Variants in FNIP1 observed in about 807,000 individuals in gnomAD.
FNIP1 encodes the protein folliculin interacting protein 1, also known as folliculin-interacting protein 1.
In FNIP1, 40 loss-of-function variants were observed where a neutral mutation model predicts 124.5. The ratio of observed to expected loss-of-function variants is 0.32; its 90% CI spans 0.25 to 0.42. The LOEUF (loss-of-function observed/expected upper bound fraction) is 0.42. Ranked by LOEUF, FNIP1 falls within the 10% of genes least tolerant of loss-of-function variation. The pLI, the probability that FNIP1 is intolerant of heterozygous loss-of-function variation, is 1.00. For synonymous variants in FNIP1, 472 were observed against 470.6 expected, an observed-to-expected ratio of 1.00 and a Z score of -0.04; for missense variants, 1,176 against 1,403.7, an observed-to-expected ratio of 0.84 and a Z score of 2.59.
chr5:131,743,332 A>G (rs1770570984), intron 2 of FNIP1, among the ~76,000 whole-genome samples: 1 of 152,042 alleles, frequency 6.6e-6, no homozygotes, highest in South Asian at 2.1e-4. Context: ...AAATTTCAGA[A>G]AGTTGAGTAA....
intron 2 of FNIP1, among the ~76,000 whole-genome samples, chr5:131,739,451 G>A (rs1770433160): frequency 6.6e-6 from 1 of 152,142 alleles, no homozygotes; most frequent in South Asian, 2.1e-4. Flanking sequence ...CAAAATTCCT[G>A]AACGTATTTG....
chr5:131,708,789 G>GA (rs763838718), intron 8 of FNIP1, among the ~76,000 whole-genome samples: 5,128 of 137,804 alleles, frequency 0.037, 113 homozygotes, highest in African/African-American at 0.077. Context: ...TCCATATTTG[G>GA]AAAAAAAAAA....
intron 7 of FNIP1, 110 bp from the exon 8 acceptor site, chr5:131,709,382 A>AT (rs1769217904): frequency 1.2e-6 from 1 of 861,818 alleles, no homozygotes; most frequent in Non-Finnish European, 1.9e-6. Flanking sequence ...GCATTCCCTT[A>AT]TTTTTTTCAA....
chr5:131,676,619 T>A (rs1202303809), intron 13 of FNIP1, among the ~76,000 whole-genome samples: 1 of 151,898 alleles, frequency 6.6e-6, no homozygotes, highest in African/African-American at 2.4e-5. Context: ...ACTAGCCTGG[T>A]GTGGTGTTAC....
At chr5:131,706,950 TA>T (rs1278105419) in intron 8 of FNIP1, among the ~76,000 whole-genome samples, 1 of 152,216 alleles carries the variant, frequency 6.6e-6, no homozygotes, top group Non-Finnish European at 1.5e-5. Context: ...CTATTGAAAA[TA>T]AGTGTCTGAA....
chr5:131,675,344 C>T (rs1461727124), intron 13 of FNIP1, among the ~76,000 whole-genome samples: 2 of 152,170 alleles, frequency 1.3e-5, no homozygotes, highest in Admixed American at 1.3e-4. Context: ...ATATTACCTA[C>T]AGTCTTAGAC....
At chr5:131,730,832 C>A in intron 3 of FNIP1, 72 bp downstream of exon 3, 1 of 1,276,836 alleles carries the variant, frequency 7.8e-7, no homozygotes, top group East Asian at 2.4e-5. Context: ...TATTATATCT[C>A]CACAGTCCAC....
intron 1 of FNIP1, among the ~76,000 whole-genome samples, chr5:131,793,885 C>T (rs1230315610): frequency 1.3e-5 from 2 of 152,074 alleles, no homozygotes; most frequent in Admixed American, 1.3e-4. Context: ...GCAATGAAAG[C>T]ATGGTATACT....
chr5:131,742,601 AAAG>A (rs748200979), intron 2 of FNIP1, among the ~76,000 whole-genome samples: 3 of 152,272 alleles, frequency 2.0e-5, no homozygotes, highest in Non-Finnish European at 2.9e-5. Context: ...TAAAACTAAG[AAAG>A]AAGAACATGA....
chr5:131,698,936 C>T lies in FNIP1; in HGVS notation c.1183G>A (p.Asp395Asn), dbSNP rs1307013915. The T allele has an allele frequency of 3.1e-6, 5 of 1,611,142 alleles. No homozygotes were observed. Among genetic ancestry groups the T allele is most frequent in the Non-Finnish European group, 4.2e-6 (5 of 1,178,886 alleles). The change falls in exon 11 of 18, where the codon GAT (aspartate) becomes AAT (asparagine). Residue 395 changes from aspartate to asparagine, a missense_variant. Asp to Asn is a conservative substitution (Grantham distance 23, BLOSUM62 1). Coordinates refer to ENST00000510461, the MANE Select transcript of FNIP1 (RefSeq NM_133372.3). ...QRSLAYNRIV[D>N]ALNEFRTTIC... ...ATGTACCTGAATTCATTTAGGGCAT[C>T]AACTATTCGATTATATGCCAAACTT... is the stretch of plus-strand genomic sequence containing the variant.
intron 2 of FNIP1, among the ~76,000 whole-genome samples, chr5:131,742,240 G>A (rs1302234705): frequency 6.6e-6 from 1 of 152,196 alleles, no homozygotes; most frequent in Non-Finnish European, 1.5e-5. Flanking sequence ...AAAGCAGGCG[G>A]TTCGCTTGAG....
At chr5:131,748,497 T>A (rs779299981) in intron 1 of FNIP1, among the ~76,000 whole-genome samples, 1 of 151,894 alleles carries the variant, frequency 6.6e-6, no homozygotes, top group Non-Finnish European at 1.5e-5. Context: ...ATTGAGACCA[T>A]CCTGACTAAC....
chr5:131,765,762 G>T (rs1771399440), intron 1 of FNIP1, among the ~76,000 whole-genome samples: 1 of 152,106 alleles, frequency 6.6e-6, no homozygotes, highest in Non-Finnish European at 1.5e-5. Flanking sequence ...TATTTCAGCA[G>T]AATTTCATCC....
intron 6 of FNIP1, among the ~76,000 whole-genome samples, chr5:131,714,764 A>C (rs1425377948): frequency 1.3e-5 from 2 of 152,204 alleles, no homozygotes; most frequent in Non-Finnish European, 1.5e-5. Context: ...GACTGAATTG[A>C]GTGCTTCTCC....
intron 12 of FNIP1, 43 bp from the exon 13 acceptor site, chr5:131,677,915 T>G: frequency 1.3e-6 from 2 of 1,581,996 alleles, no homozygotes; most frequent in Non-Finnish European, 1.7e-6. Context: ...TCAGTCTTCA[T>G]GAAACCTTAG....
chr5:131,654,449 G>A (rs1034953139), intron 15 of FNIP1, among the ~76,000 whole-genome samples: 6 of 152,202 alleles, frequency 3.9e-5, no homozygotes, highest in Admixed American at 2.0e-4. Context: ...ATAAGCCCAG[G>A]TTTGGCATCC....
At chr5:131,749,912 G>T (rs1770812681) in intron 1 of FNIP1, among the ~76,000 whole-genome samples, 1 of 152,032 alleles carries the variant, frequency 6.6e-6, no homozygotes, top group Non-Finnish European at 1.5e-5. Flanking sequence ...TGTGATGTTT[G>T]CATAACAACA....
chr5:131,706,438 C>T lies in FNIP1; in HGVS notation c.887G>A (p.Ser296Asn). 6.2e-7 allele frequency: 1 copy of T among 1,612,946 alleles called. No individual in the cohort carries two copies. The highest frequency in any genetic ancestry group is 8.5e-7 in the Non-Finnish European group (1 of 1,179,434). The change falls in exon 9 of 18, where the codon AGT (serine) becomes AAT (asparagine). Residue 296 changes from serine to asparagine, a missense_variant. Ser to Asn is a conservative substitution (Grantham distance 46). This residue lies in a region of FNIP1 where 1,109 missense variants were observed against 1,288.5 expected (regional missense o/e 0.86). Transcript: ENST00000510461. The part of the protein sequence containing the change: ...QRRWRRSQTT[S>N]LENGVFPRWS... The stretch of plus-strand genomic sequence containing the variant: ...TCTAGGAAATACCCCATTTTCCAAA[C>T]TTGTTGTTTGGCTGCGTCGCCAACG...
At chr5:131,754,314 G>T (rs1481266134) in intron 1 of FNIP1, among the ~76,000 whole-genome samples, 2 of 152,218 alleles carry the variant, frequency 1.3e-5, no homozygotes, top group Admixed American at 1.3e-4. Context: ...TACATGCTAT[G>T]ACTGAGGCAA....
Sources: gnomAD v4.1 joint callset for allele counts (sites outside exome capture counted in the v4.1 genomes callset) on GRCh38, gnomAD v4.1.1 for gene constraint, gnomAD v4.1.1 regional missense constraint, MANE v1.5 for transcripts, NCBI Gene and HGNC (gene_info 2026-07-23, HGNC 2026-07-21) for gene names.